The following CSMD1 variants were observed in gnomAD, a reference collection of about 807,000 sequenced individuals.
CSMD1 encodes the protein CUB and Sushi multiple domains 1, also known as CUB and sushi domain-containing protein 1.
Under a neutral mutation model 417.5 loss-of-function variants are expected in CSMD1, and 213 were observed. The observed-to-expected ratio is 0.51, with a 90% CI of 0.46 to 0.57. The LOEUF is 0.57. Among genes scored for constraint, CSMD1 ranks in the 20% least tolerant of loss-of-function variants. CSMD1 has a pLI of 0.00. For synonymous variants in CSMD1, 2,862 were observed against 1,736.8 expected (o/e 1.65, Z -16.11); for missense variants, 6,923 against 4,529.7 (o/e 1.53, Z -15.17).
intron 3 of CSMD1, among the ~76,000 whole-genome samples, chr8:4,414,792 G>A (rs774601168): frequency 6.6e-6 from 1 of 152,122 alleles, no homozygotes; most frequent in Non-Finnish European, 1.5e-5. Flanking sequence ...TGTGCCAAGT[G>A]TCAAGGATTC....
intron 3 of CSMD1, among the ~76,000 whole-genome samples, chr8:4,110,166 T>G (rs1162124970): frequency 6.6e-6 from 1 of 152,146 alleles, no homozygotes; most frequent in Non-Finnish European, 1.5e-5. Context: ...ATCTGCCATT[T>G]CATCTGGATC....
At chr8:4,594,195 CTT>C (rs771415822) in intron 2 of CSMD1, among the ~76,000 whole-genome samples, 16 of 92,368 alleles carry the variant, frequency 1.7e-4, no homozygotes, top group East Asian at 1.3e-3. Context: ...CTAAAGTGAT[CTT>C]TTTTTTTTTT....
chr8:4,316,226 T>C (rs1475925960), intron 3 of CSMD1, among the ~76,000 whole-genome samples: 1 of 152,216 alleles, frequency 6.6e-6, no homozygotes, highest in Non-Finnish European at 1.5e-5. Context: ...TATGATTTTC[T>C]AATGGTCTTC....
At chr8:3,514,226 C>T (rs1219144050) in intron 10 of CSMD1, among the ~76,000 whole-genome samples, 5 of 152,088 alleles carry the variant, frequency 3.3e-5, no homozygotes, top group South Asian at 2.1e-4. Context: ...TAAATAAGAC[C>T]GGCTTTCTTA....
rs775001650 is a variant in CSMD1 at position 3,387,516 on chromosome 8, G to A, written c.2760C>T (p.Asn920=). 1.2e-6 allele frequency: 2 copies of A among 1,601,738 alleles called. No homozygotes were observed. Among genetic ancestry groups the A allele is most frequent in the Non-Finnish European group, 8.5e-7 (1 of 1,174,088 alleles). ...TACCGTCGCAGCTGGGCAAGGCGTGGTTCCACTGGTGGTTCCTCTCACAGA... is the reference window on the plus strand; with the variant it reads ...TACCGTCGCAGCTGGGCAAGGCGTGATTCCACTGGTGGTTCCTCTCACAGA... ...PLVCERNHQW[N]HALPSCDALC... Residue 920 remains asparagine, a synonymous_variant, in exon 18 of 70, where the codon AAC becomes AAT. Coordinates refer to ENST00000635120, the MANE Select transcript of CSMD1 (RefSeq NM_033225.6).
At chr8:4,715,279 G>T (rs988928670) in intron 1 of CSMD1, among the ~76,000 whole-genome samples, 1 of 151,986 alleles carries the variant, frequency 6.6e-6, no homozygotes, top group Non-Finnish European at 1.5e-5. Context: ...AATTATTAAG[G>T]GTTACTTAAA....
At chr8:3,611,786 C>T (rs546315651) in intron 8 of CSMD1, among the ~76,000 whole-genome samples, 1 of 151,990 alleles carries the variant, frequency 6.6e-6, no homozygotes, top group Non-Finnish European at 1.5e-5. Context: ...CTCGATGAAT[C>T]ATTATTTTCA....
At chr8:4,083,127 C>G (rs1189642573) in intron 3 of CSMD1, among the ~76,000 whole-genome samples, 14 of 152,036 alleles carry the variant, frequency 9.2e-5, no homozygotes, top group African/African-American at 2.7e-4. Context: ...TTAGTATATA[C>G]CCAGTAACGG....
intron 3 of CSMD1, among the ~76,000 whole-genome samples, chr8:4,223,109 G>A (rs918517591): frequency 1.3e-5 from 2 of 151,564 alleles, no homozygotes; most frequent in Non-Finnish European, 2.9e-5. Context: ...CTGAGCATCT[G>A]TAGTAGCAAG....
chr8:4,279,261 A>T (rs1463283862), intron 3 of CSMD1, among the ~76,000 whole-genome samples: 1 of 152,190 alleles, frequency 6.6e-6, no homozygotes, highest in African/African-American at 2.4e-5. Flanking sequence ...CCACATTTTG[A>T]AACACTTATA....
intron 1 of CSMD1, among the ~76,000 whole-genome samples, chr8:4,889,741 T>A (rs1803984380): frequency 6.6e-6 from 1 of 152,128 alleles, no homozygotes; most frequent in African/African-American, 2.4e-5. Context: ...CCTTGGCTAT[T>A]TTTGACACAT....
intron 3 of CSMD1, among the ~76,000 whole-genome samples, chr8:4,275,005 A>G (rs1210876242): frequency 1.3e-5 from 2 of 152,206 alleles, no homozygotes; most frequent in African/African-American, 4.8e-5. Flanking sequence ...ACAGGTATAA[A>G]TAGTTAATAC....
At chr8:3,016,187 C>T (rs660641) in intron 52 of CSMD1, among the ~76,000 whole-genome samples, 121,367 of 152,132 alleles carry the variant, frequency 0.8, 48,576 homozygotes, top group Non-Finnish European at 0.82. Context: ...TCATTTATAA[C>T]CTGCCTCCAA....
At chr8:4,223,169 C>T (rs1219508354) in intron 3 of CSMD1, among the ~76,000 whole-genome samples, 2 of 152,060 alleles carry the variant, frequency 1.3e-5, no homozygotes, top group African/African-American at 2.4e-5. Flanking sequence ...CCAGAGGAGC[C>T]TCCGGGAGTT....
intron 30 of CSMD1, among the ~76,000 whole-genome samples, chr8:3,213,708 T>C (rs910816537): frequency 2.7e-5 from 4 of 150,836 alleles, no homozygotes; most frequent in African/African-American, 7.3e-5. Flanking sequence ...TATAAAAATA[T>C]ATGTACATTA....
At chr8:4,929,150 C>T (rs915903095) in intron 1 of CSMD1, among the ~76,000 whole-genome samples, 1 of 152,082 alleles carries the variant, frequency 6.6e-6, no homozygotes, top group South Asian at 2.1e-4. Context: ...AAGATGTGGA[C>T]ACACAGAGAA....
chr8:4,313,604 G>T (rs765734929), intron 3 of CSMD1, among the ~76,000 whole-genome samples: 2 of 151,858 alleles, frequency 1.3e-5, no homozygotes, highest in Admixed American at 6.6e-5. Context: ...AATGTGGACT[G>T]TCTGTTTTAA....
At chr8:3,835,213 A>G (rs1042437066) in intron 5 of CSMD1, among the ~76,000 whole-genome samples, 3 of 150,992 alleles carry the variant, frequency 2.0e-5, no homozygotes, top group African/African-American at 7.4e-5. Context: ...CCATCCCATT[A>G]CTGGGTATAT....
intron 3 of CSMD1, among the ~76,000 whole-genome samples, chr8:4,344,207 G>C (rs1053266259): frequency 9.9e-5 from 15 of 152,148 alleles, no homozygotes; most frequent in Non-Finnish European, 1.6e-4. Flanking sequence ...CGTCTCCATG[G>C]AGACTTTCCT....
Sources: gnomAD v4.1 joint callset for allele counts (sites outside exome capture counted in the v4.1 genomes callset) on GRCh38, gnomAD v4.1.1 for gene constraint, MANE v1.5 for transcripts, NCBI Gene and HGNC (gene_info 2026-07-23, HGNC 2026-07-21) for gene names.